Variants in EDIL3 observed in about 807,000 individuals in gnomAD.
EDIL3 encodes the protein EGF-like repeat and discoidin I-like domain-containing protein 3.
In EDIL3, 37 loss-of-function variants were observed where a neutral mutation model predicts 67.4. That is an observed-to-expected ratio of 0.55 (90% confidence interval 0.42 to 0.72). The LOEUF is 0.72. EDIL3 is among the 30% of genes least tolerant of loss of function. The pLI is 0.00. For synonymous variants in EDIL3, 195 were observed against 196.3 expected, an observed-to-expected ratio of 0.99 and a Z score of 0.05; for missense variants, 527 against 586.3, an observed-to-expected ratio of 0.90 and a Z score of 1.04.
chr5:84,306,040 A>C (rs1168729689), intron 1 of EDIL3, among the ~76,000 whole-genome samples: 2 of 152,152 alleles, frequency 1.3e-5, no homozygotes, highest in Non-Finnish European at 2.9e-5. Flanking sequence ...GAGAAAAAAA[A>C]AAGTCTCTCC....
In EDIL3 at chr5:84,242,793, T is replaced by TAAAA. The variant is rs373595978; in HGVS notation, c.196+11287_196+11290dup. 6.0e-3 allele frequency among the ~76,000 whole-genome samples: 719 copies of TAAAA among 120,800 alleles called. 10 individuals are homozygous for TAAAA. Among genetic ancestry groups the TAAAA allele is most frequent in the African/African-American group, 0.015 (471 of 30,500 alleles). The allele number at this position is 120,800 out of a possible 152,430, so 79.2% of individuals were successfully genotyped here. On this transcript the variant is annotated intron_variant, in intron 2 of 10. Transcript: ENST00000296591. Reference sequence around the variant, plus strand: ...AGCATAGGCGACAGAGACCCTATCTTAAAAAAAAAAAAAAAAAAACTTCCA... The same window carrying TAAAA: ...AGCATAGGCGACAGAGACCCTATCTTAAAAAAAAAAAAAAAAAAAAAAACTTCCA...
rs1748174046 is a variant in EDIL3 at position 84,384,302 on chromosome 5, C to A, written c.67+6G>T. On this transcript the variant is annotated splice_donor_region_variant and intron_variant, in intron 1 of 10. Transcript: ENST00000296591. ...TCACCCAGCTGTCCGGGTCCCGACG[C>A]CTTACCTTTGCCGAACTGGGGGACA... The A allele has an allele frequency of 6.2e-7, 1 of 1,608,070 alleles. No individual in the cohort carries two copies. The highest frequency in any genetic ancestry group is 2.3e-5 in the East Asian group (1 of 44,130).
At chr5:84,210,843 T>A (rs2112389238) in intron 3 of EDIL3, among the ~76,000 whole-genome samples, 1 of 152,364 alleles carries the variant, frequency 6.6e-6, no homozygotes, top group South Asian at 2.1e-4. Flanking sequence ...ATATGAGAGC[T>A]GCAAAAGTAA....
chr5:84,322,856 A>G (rs1226419391), intron 1 of EDIL3, among the ~76,000 whole-genome samples: 2 of 152,024 alleles, frequency 1.3e-5, no homozygotes, highest in African/African-American at 4.8e-5. Context: ...TCTCAATAAG[A>G]TTGTCAGCAG....
chr5:84,336,079 G>A (rs1405279285), intron 1 of EDIL3, among the ~76,000 whole-genome samples: 1 of 152,130 alleles, frequency 6.6e-6, no homozygotes, highest in Non-Finnish European at 1.5e-5. Flanking sequence ...TATCACATTG[G>A]TGATTAAATT....
At chr5:84,254,281 C>A in intron 1 of EDIL3, 69 bp from the exon 2 acceptor site, 1 of 1,512,690 alleles carries the variant, frequency 6.6e-7, no homozygotes, top group South Asian at 1.3e-5. Flanking sequence ...TACTAGTTTA[C>A]TTTGCTATGG....
rs141146314 is a variant in EDIL3, at chr5:84,248,698, T to C, written c.196+5386A>G. ...CCTGTGTATTGTCATTTATAATATC[T>C]CAGTAAATGATACCCAGTTGCTCAG... On this transcript the variant is annotated intron_variant, in intron 2 of 10. Coordinates refer to ENST00000296591, the MANE Select transcript of EDIL3 (RefSeq NM_005711.5). 4.4e-4 allele frequency among the ~76,000 whole-genome samples: 67 copies of C among 152,312 alleles called. No homozygotes were observed. In the East Asian group the frequency reaches 0.012, roughly 27 times the overall value.
chr5:83,993,504 C>A (rs1745186062), intron 9 of EDIL3, among the ~76,000 whole-genome samples: 1 of 152,196 alleles, frequency 6.6e-6, no homozygotes, highest in African/African-American at 2.4e-5. Flanking sequence ...TTCTTCCATT[C>A]TCCATTAAAA....
intron 3 of EDIL3, among the ~76,000 whole-genome samples, chr5:84,217,601 A>G (rs1235563516): frequency 6.6e-6 from 1 of 152,082 alleles, no homozygotes; most frequent in Non-Finnish European, 1.5e-5. Context: ...TCTAACACAG[A>G]AATCCTCCCT....
chr5:83,968,441 C>G (rs1744734528), intron 9 of EDIL3, among the ~76,000 whole-genome samples: 1 of 151,952 alleles, frequency 6.6e-6, no homozygotes, highest in African/African-American at 2.4e-5. Context: ...AATACAATAA[C>G]TAAAACCAAA....
At chr5:84,318,228 C>G (rs984550444) in intron 1 of EDIL3, among the ~76,000 whole-genome samples, 1 of 152,188 alleles carries the variant, frequency 6.6e-6, no homozygotes, top group Non-Finnish European at 1.5e-5. Context: ...AATGGCCATA[C>G]TGCCCAAATT....
chr5:84,256,053 T>G (rs1413253854), intron 1 of EDIL3, among the ~76,000 whole-genome samples: 2 of 152,170 alleles, frequency 1.3e-5, no homozygotes, highest in Non-Finnish European at 2.9e-5. Context: ...GCATTTTGAA[T>G]GGGGTGATTG....
At chr5:84,326,799 TC>T (rs752898924) in intron 1 of EDIL3, among the ~76,000 whole-genome samples, 14 of 152,102 alleles carry the variant, frequency 9.2e-5, no homozygotes, top group Non-Finnish European at 1.8e-4. Flanking sequence ...TTGTTTTTTT[TC>T]TTACCACCTT....
intron 6 of EDIL3, among the ~76,000 whole-genome samples, chr5:84,071,528 G>A (rs1746740692): frequency 6.6e-6 from 1 of 152,100 alleles, no homozygotes; most frequent in Admixed American, 6.6e-5. Flanking sequence ...CTGGATAATT[G>A]GACATAAAAA....
chr5:83,995,781 T>C (rs577999408), intron 9 of EDIL3, among the ~76,000 whole-genome samples: 1 of 152,260 alleles, frequency 6.6e-6, no homozygotes, highest in African/African-American at 2.4e-5. Flanking sequence ...AATTTCCAAC[T>C]GAGAAAAGAA....
At chr5:84,115,416 C>T (rs896452375) in intron 5 of EDIL3, among the ~76,000 whole-genome samples, 1 of 152,046 alleles carries the variant, frequency 6.6e-6, no homozygotes, top group Non-Finnish European at 1.5e-5. Context: ...ATAAGCTAAA[C>T]TATAATAAAA....
intron 5 of EDIL3, among the ~76,000 whole-genome samples, chr5:84,111,866 T>C (rs1747570731): frequency 6.6e-6 from 1 of 152,054 alleles, no homozygotes; most frequent in African/African-American, 2.4e-5. Flanking sequence ...AGATATTGTG[T>C]TGGTGAATGC....
At chr5:84,001,009 A>G (rs1745321421) in intron 9 of EDIL3, among the ~76,000 whole-genome samples, 1 of 152,050 alleles carries the variant, frequency 6.6e-6, no homozygotes, top group Non-Finnish European at 1.5e-5. Flanking sequence ...GTTTATAGCA[A>G]TAAGCACTTA....
intron 2 of EDIL3, among the ~76,000 whole-genome samples, chr5:84,244,196 C>T (rs1032523405): frequency 6.6e-6 from 1 of 152,074 alleles, no homozygotes; most frequent in Admixed American, 6.5e-5. Flanking sequence ...TAGGAGATAC[C>T]AATAAGATTT....
Sources: allele counts gnomAD v4.1 joint callset (sites outside exome capture counted in the v4.1 genomes callset), GRCh38; gene constraint gnomAD v4.1.1; transcripts MANE v1.5; gene names NCBI Gene and HGNC (gene_info 2026-07-23, HGNC 2026-07-21).